The following CNR2 variants were observed in gnomAD, a reference collection of about 807,000 sequenced individuals.
CNR2 encodes the protein cannabinoid receptor 2.
For missense variants in CNR2, 379 were observed against 439.9 expected (o/e 0.86, Z 1.24); for synonymous variants, 172 against 182.2 (o/e 0.94, Z 0.45).
intron 1 of CNR2, among the ~76,000 whole-genome samples, chr1:23,896,122 C>A (rs952712042): frequency 2.0e-5 from 3 of 152,072 alleles, no homozygotes; most frequent in African/African-American, 7.2e-5. Context: ...CCTTGGTCTC[C>A]CAAAGTTCAT....
intron 1 of CNR2, among the ~76,000 whole-genome samples, chr1:23,895,549 C>T (rs753054208): frequency 9.9e-5 from 15 of 152,184 alleles, no homozygotes; most frequent in Non-Finnish European, 1.8e-4. Context: ...GCTCTATCAC[C>T]AGGCTGGAGT....
chr1:23,902,665 G>T (rs1367160538), intron 1 of CNR2: 138 of 1,595,238 alleles, frequency 8.7e-5, no homozygotes, highest in Non-Finnish European at 1.1e-4. Flanking sequence ...GCCCCCGGGG[G>T]TCCCACGACA....
intron 1 of CNR2, chr1:23,901,666 C>A: frequency 3.3e-6 from 5 of 1,498,224 alleles, no homozygotes; most frequent in Non-Finnish European, 4.7e-6. Flanking sequence ...CAACCTGGAC[C>A]GGGTGTTCAA....
intron 1 of CNR2, among the ~76,000 whole-genome samples, chr1:23,877,932 G>T (rs1053040718): frequency 7.9e-5 from 12 of 151,382 alleles, no homozygotes; most frequent in African/African-American, 1.2e-4. Context: ...CTGCACAGCA[G>T]CCTGGGCGAT....
chr1:23,910,063 C>T (rs2148472589), intron 1 of CNR2, among the ~76,000 whole-genome samples: 1 of 151,982 alleles, frequency 6.6e-6, no homozygotes, highest in South Asian at 2.1e-4. Flanking sequence ...ATCCTTCCAC[C>T]TCAGCCCCCT....
At chr1:23,907,016 C>T (rs953408650) in intron 1 of CNR2, 3 of 151,778 alleles carry the variant, frequency 2.0e-5, no homozygotes, top group African/African-American at 7.3e-5. Context: ...TTTCTCTCTT[C>T]TTACCAACCT....
chr1:23,894,091 G>T (rs1640235626), intron 1 of CNR2, among the ~76,000 whole-genome samples: 1 of 149,258 alleles, frequency 6.7e-6, no homozygotes. Flanking sequence ...CTGCACTCTA[G>T]CCTGAGTGAC....
intron 1 of CNR2, among the ~76,000 whole-genome samples, chr1:23,890,512 G>A (rs759876614): frequency 2.6e-5 from 4 of 151,886 alleles, no homozygotes; most frequent in Non-Finnish European, 5.9e-5. Flanking sequence ...TTGGGAGGCC[G>A]AGGCAGGCAG....
chr1:23,908,200 C>G (rs757900286), intron 1 of CNR2, among the ~76,000 whole-genome samples: 2 of 151,968 alleles, frequency 1.3e-5, no homozygotes, highest in Non-Finnish European at 2.9e-5. Flanking sequence ...AGCATGGTCT[C>G]GATATCCTGA....
Position 23,872,886 on chromosome 1 carries a change from C to T in CNR2, c.*1649G>A, listed in dbSNP as rs561887128. ...CCTTTGTTGTACTGCCTGTAATTAT[C>T]TTCTTTATTGACTTATTGGCTGTCT... On this transcript the variant is annotated 3_prime_UTR_variant, in exon 2 of 2. Transcript: ENST00000374472. 6.6e-6 allele frequency: 1 copy of T among 152,238 alleles called. No homozygotes were observed. The highest frequency in any genetic ancestry group is 6.5e-5 in the Admixed American group (1 of 15,272). The allele number at this position is 152,238 out of a possible 1,614,324, so 9.4% of individuals were successfully genotyped here. A position where few individuals can be genotyped will look rare whatever the true frequency, so the allele number is the denominator to read the frequency against.
chr1:23,885,027 C>G (rs1640063040), intron 1 of CNR2, among the ~76,000 whole-genome samples: 1 of 152,002 alleles, frequency 6.6e-6, no homozygotes, highest in African/African-American at 2.4e-5. Context: ...GTCTTGAACT[C>G]CTGACCTCGT....
Position 23,874,228 on chromosome 1 carries a change from G to T in CNR2, c.*307C>A. The T allele has an allele frequency of 3.9e-6, 1 of 253,564 alleles. No homozygotes were observed. Among genetic ancestry groups the T allele is most frequent in the Non-Finnish European group, 7.7e-6 (1 of 130,490 alleles). 15.7% of individuals were successfully genotyped at this position (253,564 alleles called of 1,614,324 possible). A position where few individuals can be genotyped will look rare whatever the true frequency, so the allele number is the denominator to read the frequency against. On this transcript the variant is annotated 3_prime_UTR_variant, in exon 2 of 2. Coordinates refer to ENST00000374472, the MANE Select transcript of CNR2 (RefSeq NM_001841.3). ...TTGCTGGGCCTGGAGGCTCGCTTTGGCTCCTGTGGTCTCTGGAGGATGCAG... is the reference window on the plus strand; with the variant it reads ...TTGCTGGGCCTGGAGGCTCGCTTTGTCTCCTGTGGTCTCTGGAGGATGCAG...
intron 1 of CNR2, chr1:23,902,536 G>T (rs1341409937): frequency 1.9e-6 from 3 of 1,608,810 alleles, no homozygotes; most frequent in Non-Finnish European, 2.6e-6. Context: ...AAGGCTGCGG[G>T]CTCCACGTCT....
chr1:23,887,673 CA>C (rs1411023506), intron 1 of CNR2, among the ~76,000 whole-genome samples: 1 of 151,990 alleles, frequency 6.6e-6, no homozygotes, highest in Non-Finnish European at 1.5e-5. Flanking sequence ...GGCCTTTTTC[CA>C]GGGTGAAGAC....
At chr1:23,876,495 G>A (rs61778163) in intron 1 of CNR2, among the ~76,000 whole-genome samples, 41,738 of 151,246 alleles carry the variant, frequency 0.28, 6,210 homozygotes, top group East Asian at 0.52. Flanking sequence ...GAGCCACTGC[G>A]CCTGGCCAAA....
intron 1 of CNR2, chr1:23,902,680 G>A: frequency 1.3e-6 from 2 of 1,594,288 alleles, no homozygotes; most frequent in East Asian, 4.5e-5. Context: ...ACGACAAAGT[G>A]CACGTCGGCC....
In CNR2 at chr1:23,912,599, ACG is replaced by A. The variant is rs551658790; in HGVS notation, c.-46+645_-46+646del. Among the ~76,000 whole-genome samples, 156 of 152,350 alleles carry A rather than the reference ACG, an allele frequency of 1.0e-3. No homozygotes were observed. The Middle Eastern group carries it at 0.024, about 23-fold the overall frequency. On this transcript the variant is annotated intron_variant, in intron 1 of 1. Transcript: ENST00000374472. ...ACAACAGTGATAGCTCCTACTGCAT[ACG>A]GCTGTTGTGAGGATTAAATAAATCC...
At chr1:23,908,786 A>G (rs1364561319) in intron 1 of CNR2, among the ~76,000 whole-genome samples, 1 of 152,060 alleles carries the variant, frequency 6.6e-6, no homozygotes, top group East Asian at 1.9e-4. Context: ...CCAGGACCCA[A>G]ACAGACCCAG....
intron 1 of CNR2, chr1:23,902,101 G>C: frequency 1.3e-6 from 2 of 1,491,092 alleles, no homozygotes; most frequent in East Asian, 2.3e-5. Context: ...CAGATAGAGG[G>C]CTCGCCCCAA....
Sources: allele counts gnomAD v4.1 joint callset (sites outside exome capture counted in the v4.1 genomes callset), GRCh38; gene constraint gnomAD v4.1.1; transcripts MANE v1.5; gene names NCBI Gene and HGNC (gene_info 2026-07-23, HGNC 2026-07-21).